The following NSUN7 variants were observed in gnomAD, a reference collection of about 807,000 sequenced individuals.
NSUN7 encodes NOP2/Sun RNA methyltransferase family member 7.
NSUN7 carries 39 observed loss-of-function variants against 58.5 expected under a neutral mutation model. The observed-to-expected ratio is 0.67, with a 90% CI of 0.52 to 0.87. The LOEUF is 0.87. Ranked by LOEUF, NSUN7 falls within the 40% of genes least tolerant of loss-of-function variation. The probability of loss-of-function intolerance (pLI) is 0.00; values close to 1 mark genes in which losing one functional copy is unlikely to be tolerated. For synonymous variants in NSUN7, 278 were observed against 303.7 expected, an observed-to-expected ratio of 0.92 and a Z score of 0.88; for missense variants, 765 against 844.1, an observed-to-expected ratio of 0.91 and a Z score of 1.16.
chr4:40,799,380 C>G (rs926599853), intron 10 of NSUN7, among the ~76,000 whole-genome samples: 13 of 151,626 alleles, frequency 8.6e-5, no homozygotes, highest in African/African-American at 2.9e-4. Context: ...ATATGGCTGG[C>G]CTGGTGCGGT....
At chr4:40,796,038 A>T (rs1010226474) in intron 9 of NSUN7, among the ~76,000 whole-genome samples, 2 of 152,226 alleles carry the variant, frequency 1.3e-5, no homozygotes, top group Non-Finnish European at 2.9e-5. Context: ...CTTACCCTCT[A>T]AGACTCACAG....
Position 40,794,385 on chromosome 4 carries a change from C to T in NSUN7, c.1191C>T (p.Phe397=). The change falls in exon 9 of 12, where the codon TTC becomes TTT. Residue 397 remains phenylalanine, a synonymous_variant. Transcript: ENST00000381782. ...FILNEHEDTE[F]LKDHSQGGIS... ...CTTTTTAAAATTCAGATACAGAATT[C>T]CTTAAAGATCACTCTCAAGGAGGCA... The T allele has an allele frequency of 3.7e-6, 6 of 1,600,760 alleles. No homozygotes were observed. The highest frequency in any genetic ancestry group is 5.1e-6 in the Non-Finnish European group (6 of 1,170,726).
intron 7 of NSUN7, among the ~76,000 whole-genome samples, chr4:40,780,078 C>G (rs370206359): frequency 6.6e-6 from 1 of 152,162 alleles, no homozygotes; most frequent in South Asian, 2.1e-4. Context: ...GCCAGGAGTT[C>G]GAGACCAGCC....
At chr4:40,758,273 C>T (rs1225667074) in intron 2 of NSUN7, among the ~76,000 whole-genome samples, 3 of 151,914 alleles carry the variant, frequency 2.0e-5, no homozygotes, top group East Asian at 1.9e-4. Flanking sequence ...AGAGGTCTGC[C>T]AAGTTAGAAG....
rs1340749428 is a variant in NSUN7, at chr4:40,810,777, G to A, written c.*1838G>A. On this transcript the variant is annotated 3_prime_UTR_variant, in exon 12 of 12. Transcript: ENST00000381782. ...TATCTCCTTGCCCTAAAATTATAGC[G>A]TGTGGCTCATCCTCTTATCCCACCC... 2 of 152,200 alleles carry A rather than the reference G, an allele frequency of 1.3e-5. No individual in the cohort carries two copies. Among genetic ancestry groups the A allele is most frequent in the East Asian group, 3.9e-4 (2 of 5,178 alleles). 9.4% of individuals were successfully genotyped at this position (152,200 alleles called of 1,614,324 possible).
intron 2 of NSUN7, among the ~76,000 whole-genome samples, chr4:40,754,232 C>T (rs1741011315): frequency 6.6e-6 from 1 of 151,666 alleles, no homozygotes; most frequent in African/African-American, 2.4e-5. Context: ...ACTGCAACCT[C>T]TGCCTCCCAG....
intron 4 of NSUN7, among the ~76,000 whole-genome samples, chr4:40,763,909 A>C (rs1442351743): frequency 6.6e-6 from 1 of 152,124 alleles, no homozygotes; most frequent in Non-Finnish European, 1.5e-5. Flanking sequence ...ATTGTACTCA[A>C]TTCACGTTAT....
chr4:40,774,457 A>T, intron 5 of NSUN7, 40 bp downstream of exon 5: 1 of 1,582,204 alleles, frequency 6.3e-7, no homozygotes, highest in Non-Finnish European at 8.7e-7. Context: ...TCAAGTCTCC[A>T]TCCTTTTAAA....
At chr4:40,784,732 T>A (rs1742728519) in intron 7 of NSUN7, among the ~76,000 whole-genome samples, 1 of 152,250 alleles carries the variant, frequency 6.6e-6, no homozygotes, top group African/African-American at 2.4e-5. Context: ...TTGGTGAATG[T>A]ACTCAAAAGA....
intron 7 of NSUN7, among the ~76,000 whole-genome samples, chr4:40,780,531 C>T (rs369485568): frequency 9.9e-5 from 15 of 151,334 alleles, no homozygotes; most frequent in African/African-American, 3.6e-4. Context: ...TGCTTGAGCC[C>T]AGGAGATCAA....
At position 40,759,926 on chromosome 4, in the gene NSUN7, A is replaced by C. The variant is rs561272302; in HGVS notation, c.299-508A>C. ...TGTGGTGGTGCATACCTGTAGTCCT[A>C]GCTACTCTGGAGGCTGAGGCAGAAT... On this transcript the variant is annotated intron_variant, in intron 2 of 11. Coordinates refer to ENST00000381782, the MANE Select transcript of NSUN7 (RefSeq NM_024677.6). 3.3e-5 allele frequency among the ~76,000 whole-genome samples: 5 copies of C among 152,274 alleles called. No individual in the cohort carries two copies. In the South Asian group the frequency reaches 1.0e-3, roughly 32 times the overall value.
At chr4:40,763,459 A>G (rs1741556019) in intron 4 of NSUN7, among the ~76,000 whole-genome samples, 1 of 152,132 alleles carries the variant, frequency 6.6e-6, no homozygotes, top group Admixed American at 6.6e-5. Flanking sequence ...TGCTTCTCCT[A>G]GTTTCTGTTT....
intron 2 of NSUN7, 54 bp downstream of exon 2, chr4:40,751,045 A>C: frequency 1.3e-6 from 2 of 1,577,210 alleles, no homozygotes; most frequent in Non-Finnish European, 1.7e-6. Flanking sequence ...TAGCGAGAGA[A>C]TTTGGGGAAT....
intron 4 of NSUN7, among the ~76,000 whole-genome samples, chr4:40,771,096 G>A (rs980044346): frequency 1.3e-5 from 2 of 152,100 alleles, no homozygotes; most frequent in Non-Finnish European, 2.9e-5. Flanking sequence ...TATTAGTTAA[G>A]ATGATTTTTT....
Position 40,808,769 on chromosome 4 carries a change from C to T in NSUN7, c.1987C>T (p.Pro663Ser), listed in dbSNP as rs1243389189. The change falls in exon 12 of 12, where the codon CCC becomes TCC. Residue 663 changes from proline to serine, a missense_variant. Physicochemically the swap from Pro to Ser is moderately conservative, Grantham distance 74. Transcript: ENST00000381782. ...TCCAGTCTTTATGCCATTTTCAAGT[C>T]CCCAAGGGATCAGATCTCGGATGCC... ...LPPVFMPFSSPQGIRSRMPTQ... is the reference protein window; with the variant it reads ...LPPVFMPFSSSQGIRSRMPTQ... 4.5e-6 allele frequency: 7 copies of T among 1,549,784 alleles called. No individual in the cohort carries two copies. Among genetic ancestry groups the T allele is most frequent in the South Asian group, 3.6e-5 (3 of 83,846 alleles).
Position 40,750,813 on chromosome 4 carries a change from G to T in NSUN7, c.120G>T (p.Thr40=). Residue 40 remains threonine (T), a synonymous_variant, in exon 2 of 12, where the codon ACG becomes ACT. Transcript: ENST00000381782. ...GKSSAGVPEK[T]GYPDSVYVMA... ...GCTCAGCTGGTGTGCCCGAAAAAAC[G>T]GGCTATCCGGACTCCGTTTATGTCA... The T allele has an allele frequency of 1.9e-6, 3 of 1,614,178 alleles. No individual in the cohort carries two copies. Among genetic ancestry groups the T allele is most frequent in the Non-Finnish European group, 2.5e-6 (3 of 1,180,032 alleles).
rs1195254046 is a variant in NSUN7, at chr4:40,808,710, T to C, written c.1928T>C (p.Met643Thr). ...HFLRPRPEDRMVALKPIKIVL... is the reference protein window; with the variant it reads ...HFLRPRPEDRTVALKPIKIVL... The stretch of plus-strand genomic sequence containing the variant: ...TTAAGACCTCGGCCAGAAGACAGAA[T>C]GGTTGCTCTGAAACCCATCAAGATT... The change falls in exon 12 of 12, where the codon ATG becomes ACG. Residue 643 changes from methionine (M) to threonine (T), a missense_variant. Physicochemically the swap from Met to Thr is moderately conservative, Grantham distance 81 (BLOSUM62 -1). Coordinates refer to ENST00000381782, the MANE Select transcript of NSUN7 (RefSeq NM_024677.6). The C allele has an allele frequency of 6.4e-7, 1 of 1,551,218 alleles. No individual in the cohort carries two copies. Among genetic ancestry groups the C allele is most frequent in the Non-Finnish European group, 8.7e-7 (1 of 1,146,978 alleles).
intron 7 of NSUN7, among the ~76,000 whole-genome samples, chr4:40,782,643 G>A (rs1017392817): frequency 6.6e-6 from 1 of 152,166 alleles, no homozygotes; most frequent in East Asian, 1.9e-4. Context: ...GCTAAGGTGG[G>A]AGGCTCACTT....
At chr4:40,786,444 C>G in intron 7 of NSUN7, 1 of 1,611,970 alleles carries the variant, frequency 6.2e-7, no homozygotes, top group African/African-American at 1.3e-5. Flanking sequence ...TGGAAGAAGC[C>G]AAAACTGAAC....
Sources: allele counts gnomAD v4.1 joint callset (sites outside exome capture counted in the v4.1 genomes callset), GRCh38; gene constraint gnomAD v4.1.1; transcripts MANE v1.5; gene names NCBI Gene and HGNC (gene_info 2026-07-23, HGNC 2026-07-21).